PCDH15: variants seen among roughly 807,000 people sequenced by gnomAD.
The protein encoded by PCDH15 is protocadherin-15.
In PCDH15, 129 loss-of-function variants were observed where a neutral mutation model predicts 178.5. The ratio of observed to expected loss-of-function variants is 0.72; its 90% CI spans 0.63 to 0.84. The LOEUF (loss-of-function observed/expected upper bound fraction) is 0.84, where lower values mean the gene tolerates loss of function less well. Among genes scored for constraint, PCDH15 ranks in the 40% least tolerant of loss-of-function variants. The pLI, the probability that PCDH15 is intolerant of heterozygous loss-of-function variation, is 0.00. For missense variants in PCDH15, 2,230 were observed against 2,099.9 expected, an observed-to-expected ratio of 1.06 and a Z score of -1.21; for synonymous variants, 800 against 732.0, an observed-to-expected ratio of 1.09 and a Z score of -1.50.
At chr10:54,661,568 G>A (rs1379921017) in intron 2 of PCDH15, among the ~76,000 whole-genome samples, 1 of 151,526 alleles carries the variant, frequency 6.6e-6, no homozygotes, top group Non-Finnish European at 1.5e-5. Flanking sequence ...AATACATATG[G>A]AACCAAAAAA....
At chr10:54,773,940 TTACTTAACATTTGC>T (rs1455721553) in intron 1 of PCDH15, among the ~76,000 whole-genome samples, 2 of 150,952 alleles carry the variant, frequency 1.3e-5, no homozygotes, top group Non-Finnish European at 3.0e-5. Context: ...TGACAATCTG[TTACTTAACATTTGC>T]TGCTTAACAC....
At chr10:54,876,847 C>A (rs1954153871) in intron 3 of PCDH15, among the ~76,000 whole-genome samples, 1 of 152,108 alleles carries the variant, frequency 6.6e-6, no homozygotes, top group Admixed American at 6.6e-5. Context: ...GAGAATATTA[C>A]ATGTATTTAG....
chr10:54,239,522 G>T (rs1328035486), intron 8 of PCDH15, among the ~76,000 whole-genome samples: 1 of 151,644 alleles, frequency 6.6e-6, no homozygotes, highest in Non-Finnish European at 1.5e-5. Context: ...AGTATCTCAG[G>T]ATACTGAGCA....
chr10:54,660,055 G>A (rs1199523708), intron 2 of PCDH15, among the ~76,000 whole-genome samples: 1 of 151,958 alleles, frequency 6.6e-6, no homozygotes, highest in Non-Finnish European at 1.5e-5. Context: ...CAAATGTAAA[G>A]CTAGAAGAAG....
At chr10:54,680,269 G>C (rs2135635638) in intron 1 of PCDH15, among the ~76,000 whole-genome samples, 1 of 152,148 alleles carries the variant, frequency 6.6e-6, no homozygotes, top group East Asian at 1.9e-4. Flanking sequence ...AGTGTTCGAG[G>C]TTACTTTTTC....
chr10:53,972,266 A>T (rs1213580116), intron 21 of PCDH15, among the ~76,000 whole-genome samples: 1 of 91,756 alleles, frequency 1.1e-5, no homozygotes, highest in Non-Finnish European at 2.3e-5. Context: ...TCCCTTCCTT[A>T]CACCTTATAC....
At chr10:54,386,696 T>A (rs1949975686) in intron 3 of PCDH15, among the ~76,000 whole-genome samples, 1 of 152,020 alleles carries the variant, frequency 6.6e-6, no homozygotes, top group Admixed American at 6.6e-5. Context: ...AAATAATCAA[T>A]AAACACACAG....
intron 2 of PCDH15, among the ~76,000 whole-genome samples, chr10:55,042,550 T>C (rs1266200198): frequency 6.6e-6 from 1 of 152,180 alleles, no homozygotes; most frequent in Non-Finnish European, 1.5e-5. Flanking sequence ...TATTTATGTA[T>C]TGAGGCATGT....
intron 26 of PCDH15, among the ~76,000 whole-genome samples, chr10:53,895,622 T>C (rs1368787381): frequency 6.6e-6 from 1 of 152,192 alleles, no homozygotes; most frequent in African/African-American, 2.4e-5. Context: ...TTAAAATTAA[T>C]CTTGATCACA....
intron 29 of PCDH15, among the ~76,000 whole-genome samples, chr10:53,838,024 T>A (rs1003734797): frequency 6.6e-6 from 1 of 151,630 alleles, no homozygotes; most frequent in African/African-American, 2.4e-5. Flanking sequence ...TTGCCCAGGA[T>A]GGAGTGCAGT....
chr10:54,260,852 T>A (rs992719052), intron 8 of PCDH15, among the ~76,000 whole-genome samples: 3 of 152,128 alleles, frequency 2.0e-5, no homozygotes, highest in Non-Finnish European at 4.4e-5. Context: ...AGGCTGGTCT[T>A]GAACACCTGA....
intron 2 of PCDH15, among the ~76,000 whole-genome samples, chr10:54,621,128 G>A (rs1317550087): frequency 6.6e-6 from 1 of 151,928 alleles, no homozygotes; most frequent in East Asian, 1.9e-4. Flanking sequence ...TGGACATAAA[G>A]CTGATTCATT....
chr10:53,922,084 C>T (rs1004650301), intron 25 of PCDH15, among the ~76,000 whole-genome samples: 5 of 151,302 alleles, frequency 3.3e-5, no homozygotes, highest in East Asian at 3.9e-4. Flanking sequence ...ATACATTATC[C>T]GGTTGTCAAT....
chr10:54,074,968 A>C (rs1210898879), intron 17 of PCDH15, among the ~76,000 whole-genome samples: 6 of 152,158 alleles, frequency 3.9e-5, no homozygotes, highest in Non-Finnish European at 8.8e-5. Flanking sequence ...CATAATATTT[A>C]GCAATGCTAA....
intron 2 of PCDH15, among the ~76,000 whole-genome samples, chr10:54,561,467 A>T (rs2088142065): frequency 6.6e-6 from 1 of 152,192 alleles, no homozygotes. Flanking sequence ...TTCTGGCTTA[A>T]GGAAAGAAAG....
At chr10:55,191,607 A>G (rs1036318267) in intron 1 of PCDH15, among the ~76,000 whole-genome samples, 1 of 151,920 alleles carries the variant, frequency 6.6e-6, no homozygotes, top group East Asian at 1.9e-4. Context: ...AATTATAACT[A>G]CATTACAAGA....
At chr10:55,257,522 C>G (rs546643083) in intron 1 of PCDH15, among the ~76,000 whole-genome samples, 1 of 152,034 alleles carries the variant, frequency 6.6e-6, no homozygotes, top group Non-Finnish European at 1.5e-5. Flanking sequence ...GCAGAGAAGT[C>G]CTTAAAGGAC....
intron 2 of PCDH15, among the ~76,000 whole-genome samples, chr10:55,564,470 T>C (rs945233048): frequency 2.0e-5 from 3 of 151,866 alleles, no homozygotes; most frequent in African/African-American, 7.2e-5. Flanking sequence ...ACAAGGCATC[T>C]AGAAAATAAA....
intron 26 of PCDH15, 83 bp downstream of exon 26, chr10:53,903,160 T>G: frequency 6.6e-7 from 1 of 1,520,882 alleles, no homozygotes; most frequent in Non-Finnish European, 9.0e-7. Flanking sequence ...AAGTATGCAG[T>G]TAATGCAAAC....
Sources: allele counts gnomAD v4.1 joint callset (sites outside exome capture counted in the v4.1 genomes callset), GRCh38; gene constraint gnomAD v4.1.1; transcripts MANE v1.5; gene names NCBI Gene and HGNC (gene_info 2026-07-23, HGNC 2026-07-21).